APLP2: variants seen among roughly 807,000 people sequenced by gnomAD.
APLP2 encodes CDEI box-binding protein.
Under a neutral mutation model 89.9 loss-of-function variants are expected in APLP2, and 53 were observed. That is an observed-to-expected ratio of 0.59 (90% CI 0.47 to 0.74). The LOEUF (loss-of-function observed/expected upper bound fraction) is 0.74, where lower values mean the gene tolerates loss of function less well. Ranked by LOEUF, APLP2 falls within the 30% of genes least tolerant of loss-of-function variation. The probability of loss-of-function intolerance (pLI) is 0.00; values close to 1 mark genes in which losing one functional copy is unlikely to be tolerated. For missense variants in APLP2, 973 were observed against 975.9 expected, an observed-to-expected ratio of 1.00 and a Z score of 0.04; for synonymous variants, 372 against 348.6, an observed-to-expected ratio of 1.07 and a Z score of -0.75.
Position 130,070,023 on chromosome 11 carries a change from C to T in APLP2, c.46C>T (p.Leu16=). Residue 16 remains leucine (L), a synonymous_variant, in exon 1 of 17, where the codon CTG becomes TTG. Coordinates refer to ENST00000338167, the MANE Select transcript of APLP2 (RefSeq NM_001142276.2). ...TAAAAATGRL[L]LLLLVGLTAP... ...GGCCGCCGCAGCCACGGGCAGGCTC[C>T]TGCTTCTGCTGCTGGTGGGGCTCAC... 1 of 1,512,120 alleles carries T rather than the reference C, an allele frequency of 6.6e-7. No individual in the cohort carries two copies. The highest frequency in any genetic ancestry group is 8.8e-7 in the Non-Finnish European group (1 of 1,137,116). The allele number at this position is 1,512,120 out of a possible 1,614,324, so 93.7% of individuals were successfully genotyped here.
intron 1 of APLP2, among the ~76,000 whole-genome samples, chr11:130,087,081 A>C (rs540077714): frequency 3.9e-5 from 6 of 152,350 alleles, no homozygotes; most frequent in Non-Finnish European, 7.3e-5. Flanking sequence ...CTAACCCTCA[A>C]ATGCCATAGA....
Position 130,130,174 on chromosome 11 carries a change from A to G in APLP2, c.1584+8A>G. 6.2e-7 allele frequency: 1 copy of G among 1,614,222 alleles called. No individual in the cohort carries two copies. Among genetic ancestry groups the G allele is most frequent in the Non-Finnish European group, 8.5e-7 (1 of 1,180,028 alleles). ...GCCCAGATGAAATCCCAGGTACAGT[A>G]GATGTAGTAGAAATTGCTGCCGTGA... On this transcript the variant is annotated splice_region_variant and intron_variant, in intron 11 of 16. Coordinates refer to ENST00000338167, the MANE Select transcript of APLP2 (RefSeq NM_001142276.2).
At position 130,141,406 on chromosome 11, in the gene APLP2, T is replaced by C. The variant is rs2136157749; in HGVS notation, c.1924-92T>C. On this transcript the variant is annotated intron_variant, in intron 14 of 16. Coordinates refer to ENST00000338167, the MANE Select transcript of APLP2 (RefSeq NM_001142276.2). This position sits in a 1 kb window ranked among gnomAD's most constrained non-coding sequence, Gnocchi z 4.2. Reference sequence around the variant, plus strand: ...TCCCACAGGTACCTGCTTCCTTCCATCAAGCAGCAGGTAGCAGAGGAAGGA... The same window carrying C: ...TCCCACAGGTACCTGCTTCCTTCCACCAAGCAGCAGGTAGCAGAGGAAGGA... 1.9e-6 allele frequency: 2 copies of C among 1,055,008 alleles called. No homozygotes were observed. The highest frequency in any genetic ancestry group is 2.9e-6 in the Non-Finnish European group (2 of 688,306). The allele number at this position is 1,055,008 out of a possible 1,614,324, so 65.4% of individuals were successfully genotyped here.
In APLP2 at chr11:130,129,013, A is replaced by G. The variant is rs776736168; in HGVS notation, c.1297-35A>G. On this transcript the variant is annotated intron_variant, in intron 9 of 16. Transcript: ENST00000338167. ...CTTGCTTAGGCTTCCTCTGGGTGCC[A>G]CAAATCATGTGTGGTTCCTGCTTTC... 15 of 1,593,882 alleles carry G rather than the reference A, an allele frequency of 9.4e-6. No individual in the cohort carries two copies. In the Admixed American group the frequency reaches 2.2e-4, roughly 24 times the overall value.
At chr11:130,109,818 G>C in intron 2 of APLP2, 1 of 474,172 alleles carries the variant, frequency 2.1e-6, no homozygotes, top group Non-Finnish European at 3.6e-6. Context: ...CTTTAAGGAA[G>C]GGATACTGCA....
chr11:130,123,306 C>G lies in APLP2; in HGVS notation c.923-306C>G, dbSNP rs1351816451. Among the ~76,000 whole-genome samples, 6 of 152,334 alleles carry G rather than the reference C, an allele frequency of 3.9e-5. No individual in the cohort carries two copies. Among genetic ancestry groups the G allele is most frequent in the African/African-American group, 1.4e-4 (6 of 41,572 alleles). ...AGGCAGATACCTCCACTGAACAGAT[C>G]AGAAATGTGAGGCTCTCGCAGCTGT... On this transcript the variant is annotated intron_variant, in intron 6 of 16. Coordinates refer to ENST00000338167, the MANE Select transcript of APLP2 (RefSeq NM_001142276.2). This position sits in a 1 kb window ranked among gnomAD's most constrained non-coding sequence, Gnocchi z 4.0.
chr11:130,090,389 TC>T (rs1944768540), intron 1 of APLP2, among the ~76,000 whole-genome samples: 3 of 149,060 alleles, frequency 2.0e-5, no homozygotes, highest in African/African-American at 7.5e-5. Flanking sequence ...TCTCTGGTTT[TC>T]CTAGGCAGAG....
At chr11:130,129,027 G>T (rs1214325805) in intron 9 of APLP2, 21 bp from the exon 10 acceptor site, 1 of 1,606,232 alleles carries the variant, frequency 6.2e-7, no homozygotes, top group Admixed American at 1.7e-5. Context: ...ATCATGTGTG[G>T]TTCCTGCTTT....
At position 130,135,665 on chromosome 11, in the gene APLP2, T is replaced by A. The variant is rs749891054; in HGVS notation, c.1787T>A (p.Ile596Asn). 8.7e-6 allele frequency: 14 copies of A among 1,613,982 alleles called. No homozygotes were observed. In the Admixed American group the frequency reaches 2.2e-4, roughly 25 times the overall value. ...VRVSSEESEE[I>N]PPFHPFHPFP... Reference sequence around the variant, plus strand: ...GTGAGCTCTGAGGAGAGTGAGGAGATCCCACCGTTCCACCCCTTCCACCCC... The same window carrying A: ...GTGAGCTCTGAGGAGAGTGAGGAGAACCCACCGTTCCACCCCTTCCACCCC... The change falls in exon 13 of 17, where the codon ATC becomes AAC. Residue 596 changes from isoleucine to asparagine, a missense_variant. Transcript: ENST00000338167.
At chr11:130,083,957 G>A (rs1391421750) in intron 1 of APLP2, among the ~76,000 whole-genome samples, 2 of 152,022 alleles carry the variant, frequency 1.3e-5, no homozygotes, top group Non-Finnish European at 2.9e-5. Context: ...CAGGAGTTCC[G>A]ATTTCTCGGC....
At position 130,140,426 on chromosome 11, in the gene APLP2, A is replaced by G; in HGVS notation, c.1866A>G (p.Gly622=). ...EGSGVGEQDG[G]LIGAEEKVIN... is the part of the protein sequence containing the mutation. ...CTGGAGTGGGAGAGCAGGATGGGGG[A>G]CTGATCGGTGCCGAAGAGAAAGTGA... Residue 622 remains glycine (G), a synonymous_variant, in exon 14 of 17, where the codon GGA becomes GGG. Transcript: ENST00000338167. The G allele has an allele frequency of 6.2e-7, 1 of 1,611,416 alleles. No individual in the cohort carries two copies. Among genetic ancestry groups the G allele is most frequent in the Non-Finnish European group, 8.5e-7 (1 of 1,178,952 alleles).
chr11:130,079,313 G>A (rs968803140), intron 1 of APLP2, among the ~76,000 whole-genome samples: 11 of 152,154 alleles, frequency 7.2e-5, no homozygotes, highest in African/African-American at 2.6e-4. Flanking sequence ...TGGTCAGGCT[G>A]GTCTCAAACT....
intron 3 of APLP2, among the ~76,000 whole-genome samples, chr11:130,113,740 AAGCCTTTTGATGAT>A (rs1355361498): frequency 1.3e-5 from 2 of 152,192 alleles, no homozygotes; most frequent in African/African-American, 4.8e-5. Flanking sequence ...ACTCCTTAGA[AAGCCTTTTGATGAT>A]AGTCTTTTAG....
intron 2 of APLP2, chr11:130,109,892 G>T (rs1948322629): frequency 6.3e-6 from 2 of 316,738 alleles, no homozygotes; most frequent in East Asian, 1.2e-4. Flanking sequence ...CTTGGAAGAT[G>T]GAAAACAAAA....
intron 13 of APLP2, 102 bp from the exon 14 acceptor site, chr11:130,140,296 T>G: frequency 1.2e-6 from 1 of 809,306 alleles, no homozygotes; most frequent in South Asian, 1.8e-5. Flanking sequence ...GAGGTGCGTG[T>G]TGAGGGGCTC....
chr11:130,091,598 C>A (rs1359904521), intron 1 of APLP2, among the ~76,000 whole-genome samples: 1 of 136,556 alleles, frequency 7.3e-6, no homozygotes, highest in South Asian at 2.2e-4. Context: ...GGGGGCTGAC[C>A]CCCCCATCTC....
chr11:130,084,816 T>C (rs985871792), intron 1 of APLP2, among the ~76,000 whole-genome samples: 3 of 151,376 alleles, frequency 2.0e-5, no homozygotes, highest in Non-Finnish European at 4.4e-5. Context: ...GAAAATAATT[T>C]GCAACAGAAT....
chr11:130,117,832 G>T (rs7115530), intron 3 of APLP2, among the ~76,000 whole-genome samples: 32,096 of 152,082 alleles, frequency 0.21, 5,385 homozygotes, highest in African/African-American at 0.46. Context: ...CAACACTTGG[G>T]GAGGCCGAGG....
intron 12 of APLP2, among the ~76,000 whole-genome samples, chr11:130,135,047 C>T (rs1233322883): frequency 4.6e-5 from 7 of 151,766 alleles, no homozygotes; most frequent in Non-Finnish European, 7.4e-5. Context: ...AAACTGGCGT[C>T]GGGGAGAAGT....
Sources: gnomAD v4.1 joint callset for allele counts (sites outside exome capture counted in the v4.1 genomes callset) on GRCh38, gnomAD v4.1.1 for gene constraint, Gnocchi (gnomAD v3.1) non-coding constraint, MANE v1.5 for transcripts, NCBI Gene and HGNC (gene_info 2026-07-23, HGNC 2026-07-21) for gene names.